PGM5: variants seen among roughly 807,000 people sequenced by gnomAD.
PGM5 encodes the protein phosphoglucomutase 5, also known as phosphoglucomutase-like protein 5.
A neutral mutation model predicts 59.2 loss-of-function variants in PGM5; 23 were observed. That is an observed-to-expected ratio of 0.39 (90% CI 0.28 to 0.55). PGM5 has a LOEUF of 0.55. PGM5 is among the 20% of genes least tolerant of loss of function. PGM5 has a pLI of 0.66. For missense variants in PGM5, 574 were observed against 748.3 expected, an observed-to-expected ratio of 0.77 and a Z score of 2.72; for synonymous variants, 214 against 286.0, an observed-to-expected ratio of 0.75 and a Z score of 2.54.
intron 6 of PGM5, among the ~76,000 whole-genome samples, chr9:68,439,117 C>A (rs782456009): frequency 1.3e-5 from 2 of 152,010 alleles, no homozygotes; most frequent in East Asian, 1.9e-4. Context: ...AGTCCCAACA[C>A]TTTGGGAGGC....
chr9:68,441,358 A>G (rs1823526785), intron 6 of PGM5, among the ~76,000 whole-genome samples: 1 of 152,176 alleles, frequency 6.6e-6, no homozygotes, highest in Admixed American at 6.5e-5. Context: ...CTGATATTCC[A>G]TAAATATAGA....
At chr9:68,517,101 C>T (rs1320039821) in intron 10 of PGM5, among the ~76,000 whole-genome samples, 1 of 151,108 alleles carries the variant, frequency 6.6e-6, no homozygotes, top group African/African-American at 2.4e-5. Context: ...TCAGACTGGC[C>T]TCAAATTCCC....
intron 10 of PGM5, among the ~76,000 whole-genome samples, chr9:68,527,048 C>A (rs562419879): frequency 6.6e-6 from 1 of 152,084 alleles, no homozygotes; most frequent in South Asian, 2.1e-4. Context: ...GAGCTACGGA[C>A]GTGAGTCAGG....
chr9:68,395,427 T>C (rs1262280821), intron 6 of PGM5, among the ~76,000 whole-genome samples: 2 of 152,102 alleles, frequency 1.3e-5, no homozygotes, highest in African/African-American at 4.8e-5. Context: ...TTATATATTC[T>C]AGGTCCCCTG....
At chr9:68,422,863 T>C (rs559310926) in intron 6 of PGM5, among the ~76,000 whole-genome samples, 1 of 152,242 alleles carries the variant, frequency 6.6e-6, no homozygotes, top group South Asian at 2.1e-4. Context: ...TAGTCTTCTG[T>C]CTCTCATCCC....
intron 6 of PGM5, among the ~76,000 whole-genome samples, chr9:68,412,606 TCA>T (rs1191041092): frequency 4.6e-5 from 7 of 152,290 alleles, no homozygotes; most frequent in Admixed American, 4.6e-4. Context: ...ATCTCAGGGC[TCA>T]CACTCTGGGT....
At chr9:68,427,513 G>T (rs1823257733) in intron 6 of PGM5, among the ~76,000 whole-genome samples, 1 of 152,142 alleles carries the variant, frequency 6.6e-6, no homozygotes, top group African/African-American at 2.4e-5. Context: ...GCATCATAAG[G>T]CCACCTGCTG....
chr9:68,394,121 C>T (rs531814038), intron 6 of PGM5: 170 of 151,926 alleles, frequency 1.1e-3, no homozygotes, highest in African/African-American at 3.7e-3. Context: ...AAGAAGGCAC[C>T]GGGAAACATT....
intron 10 of PGM5, among the ~76,000 whole-genome samples, chr9:68,515,219 C>T (rs973398220): frequency 1.3e-5 from 2 of 152,238 alleles, no homozygotes; most frequent in African/African-American, 4.8e-5. Context: ...TTTGTCCAAA[C>T]TGCATTCATA....
chr9:68,433,904 T>C (rs1355939345), intron 6 of PGM5, among the ~76,000 whole-genome samples: 3 of 152,264 alleles, frequency 2.0e-5, no homozygotes, highest in Non-Finnish European at 4.4e-5. Flanking sequence ...ATAGGGATTT[T>C]GTTATTTACT....
chr9:68,423,790 A>C (rs1158610358), intron 6 of PGM5, among the ~76,000 whole-genome samples: 1 of 152,146 alleles, frequency 6.6e-6, no homozygotes, highest in Non-Finnish European at 1.5e-5. Flanking sequence ...GTTCCTCTGC[A>C]TGGGAAAAGT....
chr9:68,376,475 C>CTGTGTATG lies in PGM5; in HGVS notation c.262-1719_262-1718insATGTGTGT, dbSNP rs1215951897. On this transcript the variant is annotated intron_variant, in intron 1 of 10. Coordinates refer to ENST00000396396, the MANE Select transcript of PGM5 (RefSeq NM_021965.4). ...ATCCCAAGGCCACTTTGCTTTTGAG[C>CTGTGTATG]TGTGTGTGTGTGTGTGTGTGTGTGT... Among the ~76,000 whole-genome samples the CTGTGTATG allele has an allele frequency of 2.6e-3, 332 of 129,648 alleles. 2 individuals are homozygous for CTGTGTATG. Among genetic ancestry groups the CTGTGTATG allele is most frequent in the African/African-American group, 9.3e-3 (320 of 34,286 alleles). The allele number at this position is 129,648 out of a possible 152,430, so 85.1% of individuals were successfully genotyped here.
intron 7 of PGM5, among the ~76,000 whole-genome samples, chr9:68,474,090 G>A (rs1330383056): frequency 3.9e-5 from 6 of 152,052 alleles, no homozygotes; most frequent in African/African-American, 1.2e-4. Flanking sequence ...CACCCAAGGA[G>A]TTTTTAAAAA....
chr9:68,518,824 AT>A (rs1824858563), intron 10 of PGM5, among the ~76,000 whole-genome samples: 3 of 152,244 alleles, frequency 2.0e-5, no homozygotes, highest in South Asian at 4.1e-4. Context: ...TGCTAACATA[AT>A]TTAGTTGGAG....
intron 8 of PGM5, among the ~76,000 whole-genome samples, chr9:68,480,931 C>T (rs12379560): frequency 0.27 from 40,814 of 151,940 alleles, 6,628 homozygotes; most frequent in Admixed American, 0.34. Flanking sequence ...ATAACAAGAA[C>T]GAAGCCATGG....
intron 10 of PGM5, among the ~76,000 whole-genome samples, chr9:68,519,662 T>TA (rs200071378): frequency 4.0e-4 from 56 of 140,896 alleles, no homozygotes; most frequent in Non-Finnish European, 5.0e-4. Context: ...AAAAAAAAAT[T>TA]AAAAAAAAAA....
At position 68,437,601 on chromosome 9, in the gene PGM5, T is replaced by A. The variant is rs7048646; in HGVS notation, c.1044-27492T>A. 0.077 allele frequency among the ~76,000 whole-genome samples: 10,014 copies of A among 130,306 alleles called. 415 individuals are homozygous for A. The highest frequency in any genetic ancestry group is 0.19 in the African/African-American group (4,939 of 26,676). 85.5% of individuals were successfully genotyped at this position (130,306 alleles called of 152,430 possible). A position where few individuals can be genotyped will look rare whatever the true frequency, so the allele number is the denominator to read the frequency against. On this transcript the variant is annotated intron_variant, in intron 6 of 10. Coordinates refer to ENST00000396396, the MANE Select transcript of PGM5 (RefSeq NM_021965.4). The surrounding 1 kb of genome is among the most constrained non-coding windows in gnomAD (Gnocchi z 4.1). ...CTCACACACACACACACACACACAC[T>A]CTCACACATTTTACCCACACATGCA...
chr9:68,521,915 T>A (rs766766045), intron 10 of PGM5, among the ~76,000 whole-genome samples: 3 of 152,130 alleles, frequency 2.0e-5, no homozygotes, highest in Non-Finnish European at 4.4e-5. Flanking sequence ...CTCTCTCCCC[T>A]TCTCCATCCA....
chr9:68,426,649 G>T lies in PGM5; in HGVS notation c.1043+34176G>T, dbSNP rs1231016806. On this transcript the variant is annotated intron_variant, in intron 6 of 10. Coordinates refer to ENST00000396396, the MANE Select transcript of PGM5 (RefSeq NM_021965.4). ...TTTTTGGCCAATTTCTCTGGGACTA[G>T]TTCCAGAAGGGAGGTTGTGGAGTCA... 4.0e-5 allele frequency among the ~76,000 whole-genome samples: 6 copies of T among 149,086 alleles called. No homozygotes were observed. The East Asian group carries it at 9.8e-4, about 24-fold the overall frequency.
Sources: allele counts gnomAD v4.1 joint callset (sites outside exome capture counted in the v4.1 genomes callset), GRCh38; gene constraint gnomAD v4.1.1; non-coding constraint Gnocchi (gnomAD v3.1); transcripts MANE v1.5; gene names NCBI Gene and HGNC (gene_info 2026-07-23, HGNC 2026-07-21).